Variants in ARIH1 observed in about 807,000 individuals in gnomAD.
ARIH1 encodes the protein ariadne RBR E3 ubiquitin protein ligase 1.
A neutral mutation model predicts 85.0 loss-of-function variants in ARIH1; 8 were observed. The observed-to-expected ratio is 0.09, with a 90% CI of 0.06 to 0.17. The LOEUF (loss-of-function observed/expected upper bound fraction) is 0.17. ARIH1 is among the 10% of genes least tolerant of loss of function. The pLI, the probability that ARIH1 is intolerant of heterozygous loss-of-function variation, is 1.00. For synonymous variants in ARIH1, 238 were observed against 253.6 expected (o/e 0.94, Z 0.59); for missense variants, 311 against 718.1 (o/e 0.43, Z 6.48).
In ARIH1 at chr15:72,525,389, A is replaced by G. The variant is rs143825558; in HGVS notation, c.443+7255A>G. Among the ~76,000 whole-genome samples the G allele has an allele frequency of 2.1e-3, 317 of 152,342 alleles. 3 individuals are homozygous for G. Among genetic ancestry groups the G allele is most frequent in the Admixed American group, 5.5e-3 (84 of 15,294 alleles). ...AGATTCTTAGCAAACTGAGAAAGTGATTTCTCAGATTGATTAAAGGTATCA... is the reference window on the plus strand; with the variant it reads ...AGATTCTTAGCAAACTGAGAAAGTGGTTTCTCAGATTGATTAAAGGTATCA... On this transcript the variant is annotated intron_variant, in intron 2 of 13. Coordinates refer to ENST00000379887, the MANE Select transcript of ARIH1 (RefSeq NM_005744.5).
intron 2 of ARIH1, among the ~76,000 whole-genome samples, chr15:72,523,937 ATCTT>A (rs2064012811): frequency 7.4e-6 from 1 of 134,560 alleles, no homozygotes; most frequent in Non-Finnish European, 1.6e-5. Context: ...CTACTTTTAC[ATCTT>A]TTTTTTTTTT....
rs1172664112 is a variant in ARIH1, at chr15:72,520,419, TG to T, written c.443+2288del. On this transcript the variant is annotated intron_variant, in intron 2 of 13. Transcript: ENST00000379887. ...CCATTTTTTAAATATTCAACCTTTC[TG>T]GGTTTTAGGAGTGTCTTTTGTAAAT... 7.9e-5 allele frequency among the ~76,000 whole-genome samples: 12 copies of T among 152,150 alleles called. No homozygotes were observed. The East Asian group carries it at 2.3e-3, about 29-fold the overall frequency.
chr15:72,529,711 G>A (rs1203588270), intron 2 of ARIH1, among the ~76,000 whole-genome samples: 1 of 152,148 alleles, frequency 6.6e-6, no homozygotes, highest in Non-Finnish European at 1.5e-5. Context: ...ATTGGACAAG[G>A]AAGGGCAGAA....
chr15:72,565,693 T>G (rs1567357730), intron 7 of ARIH1, among the ~76,000 whole-genome samples: 1 of 152,224 alleles, frequency 6.6e-6, no homozygotes, highest in East Asian at 1.9e-4. Context: ...AGTGAATACC[T>G]ATATAGCTAC....
intron 6 of ARIH1, among the ~76,000 whole-genome samples, chr15:72,562,751 C>A (rs2064202607): frequency 6.6e-6 from 1 of 151,576 alleles, no homozygotes; most frequent in South Asian, 2.1e-4. Flanking sequence ...GAAAATTGTT[C>A]TGAAATAGAA....
intron 11 of ARIH1, among the ~76,000 whole-genome samples, chr15:72,573,453 C>T (rs1451521097): frequency 6.6e-6 from 1 of 151,960 alleles, no homozygotes; most frequent in South Asian, 2.1e-4. Flanking sequence ...CCCAGCTACT[C>T]GGGAGGCTGA....
intron 11 of ARIH1, among the ~76,000 whole-genome samples, chr15:72,576,018 T>G (rs1019727286): frequency 1.3e-4 from 20 of 152,108 alleles, no homozygotes; most frequent in African/African-American, 4.8e-4. Flanking sequence ...CGCGCCCAAC[T>G]TGTGTTGGTT....
At chr15:72,557,743 TCAA>T (rs2064180779) in intron 5 of ARIH1, among the ~76,000 whole-genome samples, 1 of 152,032 alleles carries the variant, frequency 6.6e-6, no homozygotes, top group African/African-American at 2.4e-5. Context: ...GATATAGGGG[TCAA>T]GTTTCATTCT....
At chr15:72,506,848 T>G (rs2063927994) in intron 1 of ARIH1, among the ~76,000 whole-genome samples, 1 of 152,054 alleles carries the variant, frequency 6.6e-6, no homozygotes, top group South Asian at 2.1e-4. Flanking sequence ...TTTTTTTTGT[T>G]TTTTTTGTTT....
intron 3 of ARIH1, among the ~76,000 whole-genome samples, chr15:72,548,895 T>C (rs71397251): frequency 0.018 from 2,673 of 152,336 alleles, 37 homozygotes; most frequent in Non-Finnish European, 0.027. Context: ...TTTTGATAGC[T>C]TAGTTTACAA....
chr15:72,499,068 C>T (rs1179646185), intron 1 of ARIH1, among the ~76,000 whole-genome samples: 1 of 139,824 alleles, frequency 7.2e-6, no homozygotes, highest in East Asian at 2.2e-4. Context: ...GCGACCTCTG[C>T]CTCCCGGGTT....
intron 1 of ARIH1, among the ~76,000 whole-genome samples, chr15:72,505,070 A>G (rs1213922289): frequency 6.6e-6 from 1 of 152,218 alleles, no homozygotes; most frequent in East Asian, 1.9e-4. Context: ...TCTCAAGAGC[A>G]TTACTTCCTG....
At chr15:72,503,638 T>C (rs2063912541) in intron 1 of ARIH1, among the ~76,000 whole-genome samples, 1 of 152,220 alleles carries the variant, frequency 6.6e-6, no homozygotes, top group Non-Finnish European at 1.5e-5. Flanking sequence ...CAAATACTGA[T>C]TGATCAAAGT....
chr15:72,544,836 C>G lies in ARIH1; in HGVS notation c.460C>G (p.Leu154Val), dbSNP rs1243956076. 1.9e-6 allele frequency: 3 copies of G among 1,612,400 alleles called. No individual in the cohort carries two copies. Among genetic ancestry groups the G allele is most frequent in the Non-Finnish European group, 2.5e-6 (3 of 1,178,944 alleles). The change falls in exon 3 of 14, where the codon CTG becomes GTG. Residue 154 changes from leucine to valine, a missense_variant. Physicochemically the swap from Leu to Val is conservative, Grantham distance 32. Around this residue, in one of 3 missense-constraint regions of ARIH1, gnomAD observed 104 missense variants for 221.4 expected, o/e 0.47. Transcript: ENST00000379887. ...ATAATGCAGGTACTTTGATGGAAACCTGGAGAAGCTCTTTGCTGAGTGTCA... is the reference window on the plus strand; with the variant it reads ...ATAATGCAGGTACTTTGATGGAAACGTGGAGAAGCTCTTTGCTGAGTGTCA... ...KLMERYFDGN[L>V]EKLFAECHVI...
chr15:72,574,893 G>GAC (rs2140437607), intron 11 of ARIH1, among the ~76,000 whole-genome samples: 1 of 130,648 alleles, frequency 7.7e-6, no homozygotes, highest in African/African-American at 2.7e-5. Context: ...AACATAGTAA[G>GAC]ACCCCCCCGC....
Position 72,555,373 on chromosome 15 carries a change from T to C in ARIH1, c.681+10T>C, listed in dbSNP as rs773732371. ...AGAAGGCATGGGTCAGGTAAAGATA[T>C]CAAGTTGTTTTTCAGTTTTTGTTGA... On this transcript the variant is annotated intron_variant, in intron 4 of 13. Transcript: ENST00000379887. The C allele has an allele frequency of 3.6e-5, 58 of 1,599,220 alleles. No homozygotes were observed. Among genetic ancestry groups the C allele is most frequent in the Non-Finnish European group, 4.2e-5 (49 of 1,167,442 alleles).
chr15:72,540,466 T>G (rs1393852100), intron 2 of ARIH1, among the ~76,000 whole-genome samples: 2 of 152,006 alleles, frequency 1.3e-5, no homozygotes, highest in African/African-American at 4.8e-5. Context: ...CAAATAAACA[T>G]TGTGGAGTCA....
intron 3 of ARIH1, among the ~76,000 whole-genome samples, chr15:72,552,337 G>C (rs541579195): frequency 6.6e-6 from 1 of 152,296 alleles, no homozygotes; most frequent in East Asian, 1.9e-4. Context: ...CATCAGGCTG[G>C]AGTGCAAAGG....
At chr15:72,526,922 A>G (rs2064031651) in intron 2 of ARIH1, among the ~76,000 whole-genome samples, 1 of 150,476 alleles carries the variant, frequency 6.6e-6, no homozygotes, top group Non-Finnish European at 1.5e-5. Flanking sequence ...AACTAAATAG[A>G]ATTTTCTATA....
Sources: gnomAD v4.1 joint callset for allele counts (sites outside exome capture counted in the v4.1 genomes callset) on GRCh38, gnomAD v4.1.1 for gene constraint, gnomAD v4.1.1 regional missense constraint, MANE v1.5 for transcripts, NCBI Gene and HGNC (gene_info 2026-07-23, HGNC 2026-07-21) for gene names.